Variants in DLG2 observed in about 807,000 individuals in gnomAD.
DLG2 encodes the protein disks large homolog 2.
Under a neutral mutation model 132.5 loss-of-function variants are expected in DLG2, and 45 were observed. The observed-to-expected ratio is 0.34, with a 90% confidence interval of 0.27 to 0.44. DLG2 has a LOEUF of 0.44. Among genes scored for constraint, DLG2 ranks in the 20% least tolerant of loss-of-function variants. DLG2 has a pLI of 1.00. For synonymous variants in DLG2, 424 were observed against 419.6 expected, an observed-to-expected ratio of 1.01 and a Z score of -0.13; for missense variants, 1,045 against 1,196.9, an observed-to-expected ratio of 0.87 and a Z score of 1.87.
At chr11:84,790,876 G>A (rs576060391) in intron 6 of DLG2, among the ~76,000 whole-genome samples, 67 of 152,316 alleles carry the variant, frequency 4.4e-4, no homozygotes, top group African/African-American at 1.6e-3. Flanking sequence ...TGGCACCTTT[G>A]TTGAAAATGA....
intron 6 of DLG2, among the ~76,000 whole-genome samples, chr11:84,739,114 A>C (rs2064251082): frequency 1.3e-5 from 2 of 152,174 alleles, no homozygotes; most frequent in South Asian, 4.1e-4. Context: ...CTAATGTGGC[A>C]GTGGTTTCTC....
At chr11:84,872,845 A>T (rs1369671047) in intron 6 of DLG2, among the ~76,000 whole-genome samples, 3 of 152,246 alleles carry the variant, frequency 2.0e-5, no homozygotes, top group Non-Finnish European at 4.4e-5. Flanking sequence ...AATTAAAGAC[A>T]CTAACTATAA....
At chr11:85,105,689 G>A (rs1038834008) in intron 6 of DLG2, among the ~76,000 whole-genome samples, 2 of 151,810 alleles carry the variant, frequency 1.3e-5, no homozygotes, top group Non-Finnish European at 2.9e-5. Flanking sequence ...TCCTGGCTTC[G>A]ATTTATAAGA....
chr11:85,201,107 G>A (rs1166016745), intron 4 of DLG2, among the ~76,000 whole-genome samples: 1 of 152,090 alleles, frequency 6.6e-6, no homozygotes, highest in African/African-American at 2.4e-5. Flanking sequence ...TCTGTGCAGG[G>A]ACTTGCAGGG....
intron 5 of DLG2, among the ~76,000 whole-genome samples, chr11:85,118,730 G>A (rs1300877795): frequency 6.6e-6 from 1 of 151,890 alleles, no homozygotes; most frequent in Non-Finnish European, 1.5e-5. Context: ...AATACCATGA[G>A]GAACTGACTG....
chr11:85,279,243 G>C (rs1414447925), intron 4 of DLG2, among the ~76,000 whole-genome samples: 1 of 152,066 alleles, frequency 6.6e-6, no homozygotes, highest in African/African-American at 2.4e-5. Flanking sequence ...ATGTTCCTGA[G>C]TTTCACTTTA....
At chr11:84,357,349 G>A (rs2098621627) in intron 7 of DLG2, among the ~76,000 whole-genome samples, 2 of 152,016 alleles carry the variant, frequency 1.3e-5, no homozygotes, top group Admixed American at 6.6e-5. Context: ...GCACACAGAT[G>A]TTTTGACTCC....
chr11:85,465,482 T>A (rs1211458589), intron 3 of DLG2, among the ~76,000 whole-genome samples: 5 of 148,684 alleles, frequency 3.4e-5, no homozygotes, highest in African/African-American at 9.8e-5. Context: ...CAGGCCCTGG[T>A]GTGTGATGTT....
At chr11:84,007,793 C>T (rs2154057961) in intron 11 of DLG2, among the ~76,000 whole-genome samples, 1 of 151,748 alleles carries the variant, frequency 6.6e-6, no homozygotes, top group Middle Eastern at 3.4e-3. Flanking sequence ...TGTTGTTTAG[C>T]TTCTCTGAGA....
At chr11:84,515,819 A>C (rs1396104203) in intron 7 of DLG2, among the ~76,000 whole-genome samples, 2 of 151,826 alleles carry the variant, frequency 1.3e-5, no homozygotes, top group African/African-American at 4.8e-5. Flanking sequence ...ATTTTCCAAA[A>C]TAGATCATGT....
intron 3 of DLG2, among the ~76,000 whole-genome samples, chr11:85,465,720 G>A (rs1490122594): frequency 6.6e-6 from 1 of 152,262 alleles, no homozygotes; most frequent in East Asian, 1.9e-4. Flanking sequence ...GGACATTTGG[G>A]TTGGTTCCAA....
At chr11:83,918,468 C>T (rs1051970368) in intron 15 of DLG2, among the ~76,000 whole-genome samples, 2 of 152,102 alleles carry the variant, frequency 1.3e-5, no homozygotes, top group Non-Finnish European at 2.9e-5. Context: ...AAAGGTATAT[C>T]GTCTTCTAAG....
chr11:83,888,064 A>T (rs1034253064), intron 15 of DLG2, among the ~76,000 whole-genome samples: 7 of 144,240 alleles, frequency 4.9e-5, no homozygotes, highest in Non-Finnish European at 9.1e-5. Context: ...CTCTCTCACC[A>T]CTCCTGTTCA....
At chr11:85,399,762 C>A (rs563773148) in intron 3 of DLG2, among the ~76,000 whole-genome samples, 1 of 152,246 alleles carries the variant, frequency 6.6e-6, no homozygotes, top group Admixed American at 6.5e-5. Flanking sequence ...CCTCCTTACA[C>A]CTTATACAAA....
chr11:85,386,523 T>C (rs779972013), intron 3 of DLG2, among the ~76,000 whole-genome samples: 6 of 152,138 alleles, frequency 3.9e-5, no homozygotes, highest in Non-Finnish European at 7.3e-5. Flanking sequence ...TAGGACTATT[T>C]TAAATACTAA....
intron 6 of DLG2, among the ~76,000 whole-genome samples, chr11:84,604,010 G>C (rs970531774): frequency 2.0e-5 from 3 of 151,862 alleles, no homozygotes; most frequent in Non-Finnish European, 2.9e-5. Flanking sequence ...ACTACACAAG[G>C]GATCATCATC....
chr11:84,708,294 T>A (rs1425283951), intron 6 of DLG2, among the ~76,000 whole-genome samples: 1 of 151,846 alleles, frequency 6.6e-6, no homozygotes, highest in Non-Finnish European at 1.5e-5. Flanking sequence ...ATAATAACAG[T>A]AAACATTATT....
At chr11:84,337,661 A>C (rs1400240833) in intron 7 of DLG2, among the ~76,000 whole-genome samples, 1 of 152,178 alleles carries the variant, frequency 6.6e-6, no homozygotes, top group Non-Finnish European at 1.5e-5. Flanking sequence ...ACCTCTGACT[A>C]GGTCTCCCAT....
chr11:85,313,709 T>A (rs72950186), intron 3 of DLG2, among the ~76,000 whole-genome samples: 7,405 of 152,104 alleles, frequency 0.049, 240 homozygotes, highest in East Asian at 0.094. Flanking sequence ...CACAGCATCA[T>A]TGAAGGTAAA....
Sources: gnomAD v4.1 joint callset for allele counts (sites outside exome capture counted in the v4.1 genomes callset) on GRCh38, gnomAD v4.1.1 for gene constraint, MANE v1.5 for transcripts, NCBI Gene and HGNC (gene_info 2026-07-23, HGNC 2026-07-21) for gene names.